Variants in ANOS1 observed in about 807,000 individuals in gnomAD.
The protein encoded by ANOS1 is anosmin 1, also known as anosmin-1.
A neutral mutation model predicts 59.0 loss-of-function variants in ANOS1; 6 were observed. The observed-to-expected ratio is 0.10, with a 90% CI of 0.06 to 0.20. ANOS1 has a LOEUF of 0.20. ANOS1 is among the 10% of genes least tolerant of loss of function. The probability of loss-of-function intolerance (pLI) is 1.00; values close to 1 mark genes in which losing one functional copy is unlikely to be tolerated. For missense variants in ANOS1, 433 were observed against 542.3 expected (o/e 0.80, Z 2.00); for synonymous variants, 217 against 223.4 (o/e 0.97, Z 0.25).
chrX:8,565,903 C>T lies in ANOS1; in HGVS notation c.1207+2329G>A, dbSNP rs193295902. The T allele has an allele frequency of 5.3e-4, 287 of 541,429 alleles. 5 individuals are homozygous for T. The Admixed American group carries it at 0.023, about 43-fold the overall frequency. The allele number at this position is 541,429 out of a possible 1,213,427, so 44.6% of individuals were successfully genotyped here. A position where few individuals can be genotyped will look rare whatever the true frequency, so the allele number is the denominator to read the frequency against. ...AGGACTCTGGAGTTCAAAGAGTGGT[C>T]AGGGTGGGAGGGCAGGGAGTCATTA... is the stretch of plus-strand genomic sequence containing the variant. On this transcript the variant is annotated intron_variant, in intron 8 of 13. Coordinates refer to ENST00000262648, the MANE Select transcript of ANOS1 (RefSeq NM_000216.4).
chrX:8,535,525 T>C (rs1339489818), intron 12 of ANOS1, 66 bp downstream of exon 12: 1 of 885,342 alleles, frequency 1.1e-6, no homozygotes, highest in Non-Finnish European at 1.7e-6. Flanking sequence ...TAGCCACCTC[T>C]GAAGGTCAGT....
intron 8 of ANOS1, among the ~76,000 whole-genome samples, chrX:8,559,398 C>T (rs764217656): frequency 2.1e-4 from 23 of 111,480 alleles, no homozygotes; most frequent in Non-Finnish European, 3.0e-4. Flanking sequence ...CAACGTAGGA[C>T]ACCACAAAAC....
At chrX:8,537,749 CGTGTGTGTGTGTGTGTGTGTGTGT>C (rs202035920) in intron 10 of ANOS1, among the ~76,000 whole-genome samples, 1 of 94,723 alleles carries the variant, frequency 1.1e-5, no homozygotes, top group Non-Finnish European at 2.1e-5. Context: ...ATGGTTTTTA[CGTGTGTGTGTGTGTGTGTGTGTGT>C]GTGTGTGTGT....
At chrX:8,621,114 C>G (rs899833783) in intron 3 of ANOS1, among the ~76,000 whole-genome samples, 1 of 111,500 alleles carries the variant, frequency 9.0e-6, no homozygotes, top group South Asian at 3.8e-4. Flanking sequence ...GCCTATAATA[C>G]CAGCAATTTG....
intron 2 of ANOS1, among the ~76,000 whole-genome samples, chrX:8,647,939 C>G (rs1475615439): frequency 8.9e-6 from 1 of 111,810 alleles, no homozygotes; most frequent in African/African-American, 3.2e-5. Context: ...TCAGAACTTC[C>G]CATCTCCACA....
intron 6 of ANOS1, among the ~76,000 whole-genome samples, chrX:8,584,757 A>G (rs903652916): frequency 2.4e-4 from 27 of 112,383 alleles, no homozygotes; most frequent in South Asian, 3.6e-4. Flanking sequence ...CTGATTACAC[A>G]GAGGTTTTAA....
In ANOS1 at chrX:8,585,173, T is replaced by C. The variant is rs1449841716; in HGVS notation, c.856+94A>G. On this transcript the variant is annotated intron_variant, in intron 6 of 13. Transcript: ENST00000262648. ...ACAGCAAAGCCACCTGTTGACTAACTATAAATATGAACATAGAGACAGTGA... is the reference window on the plus strand; with the variant it reads ...ACAGCAAAGCCACCTGTTGACTAACCATAAATATGAACATAGAGACAGTGA... 4.0e-6 allele frequency: 4 copies of C among 994,830 alleles called. No individual in the cohort carries two copies. The Admixed American group carries it at 9.9e-5, about 25-fold the overall frequency. 82.0% of individuals were successfully genotyped at this position (994,830 alleles called of 1,213,427 possible).
chrX:8,616,712 C>T (rs1931183335), intron 3 of ANOS1, among the ~76,000 whole-genome samples: 2 of 111,523 alleles, frequency 1.8e-5, no homozygotes, highest in Admixed American at 1.9e-4. Context: ...ACACCACTGA[C>T]TCAACTCTTT....
intron 1 of ANOS1, among the ~76,000 whole-genome samples, chrX:8,729,041 G>A (rs1932945254): frequency 8.9e-6 from 1 of 112,367 alleles, no homozygotes; most frequent in Admixed American, 9.4e-5. Context: ...AGCTTCCTCT[G>A]CAGGCCGACG....
At chrX:8,553,080 A>T (rs887516846) in intron 9 of ANOS1, among the ~76,000 whole-genome samples, 3 of 110,204 alleles carry the variant, frequency 2.7e-5, no homozygotes, top group African/African-American at 9.8e-5. Flanking sequence ...TAAAAACCTA[A>T]CTCTTGAAAC....
chrX:8,605,313 G>A (rs1228263713), intron 3 of ANOS1, among the ~76,000 whole-genome samples: 1 of 110,827 alleles, frequency 9.0e-6, no homozygotes, highest in Non-Finnish European at 1.9e-5. Flanking sequence ...TTCAATACAA[G>A]AGCATGAAGA....
At chrX:8,657,008 G>A (rs187897773) in intron 2 of ANOS1, among the ~76,000 whole-genome samples, 164 of 112,113 alleles carry the variant, frequency 1.5e-3, no homozygotes, top group African/African-American at 5.1e-3. Flanking sequence ...TAGTTAGGAG[G>A]CACCTGGTAG....
At chrX:8,633,772 C>A (rs1163450815) in intron 2 of ANOS1, among the ~76,000 whole-genome samples, 2 of 111,779 alleles carry the variant, frequency 1.8e-5, no homozygotes, top group African/African-American at 3.3e-5. Context: ...TTATAGAGAA[C>A]CTGAATCTAA....
intron 2 of ANOS1, among the ~76,000 whole-genome samples, chrX:8,649,717 C>T (rs748881199): frequency 5.2e-4 from 58 of 111,901 alleles, no homozygotes; most frequent in African/African-American, 1.6e-3. Flanking sequence ...ACAATGGTAA[C>T]AATCATCTCA....
At chrX:8,643,453 C>T (rs1404870999) in intron 2 of ANOS1, among the ~76,000 whole-genome samples, 2 of 111,570 alleles carry the variant, frequency 1.8e-5, no homozygotes, top group Non-Finnish European at 3.8e-5. Flanking sequence ...TCTAGGGAGT[C>T]ATGCCCTACA....
chrX:8,551,554 G>A (rs1162559919), intron 9 of ANOS1, among the ~76,000 whole-genome samples: 9 of 108,818 alleles, frequency 8.3e-5, no homozygotes, highest in South Asian at 4.1e-4. Flanking sequence ...TAGGAGAATC[G>A]CTTGAACCCA....
At chrX:8,655,983 C>A (rs1407595927) in intron 2 of ANOS1, among the ~76,000 whole-genome samples, 1 of 112,118 alleles carries the variant, frequency 8.9e-6, no homozygotes, top group Non-Finnish European at 1.9e-5. Context: ...GGAATTGTTT[C>A]TTTGATTCCA....
chrX:8,554,159 G>T, intron 8 of ANOS1, 61 bp from the exon 9 acceptor site: 1 of 964,693 alleles, frequency 1.0e-6, no homozygotes, highest in South Asian at 2.0e-5. Context: ...TCCTGGGCAA[G>T]ATGGCCAAAT....
Position 8,554,017 on chromosome X carries a change from T to C in ANOS1, c.1289A>G (p.Glu430Gly). 8.3e-7 allele frequency: 1 copy of C among 1,208,098 alleles called. No homozygotes were observed. Among genetic ancestry groups the C allele is most frequent in the Non-Finnish European group, 1.1e-6 (1 of 891,908 alleles). ...ATCCTGATAGAAGGGAGCTCCGACT[T>C]CCAGCGGGCGAGTGGGTCGTCGTCT... ...FQRRRPTRPL[E>G]VGAPFYQDGQ... The change falls in exon 9 of 14, where the codon GAA becomes GGA. Residue 430 changes from glutamate to glycine, a missense_variant. Coordinates refer to ENST00000262648, the MANE Select transcript of ANOS1 (RefSeq NM_000216.4).
Sources: gnomAD v4.1 joint callset for allele counts (sites outside exome capture counted in the v4.1 genomes callset) on GRCh38, gnomAD v4.1.1 for gene constraint, MANE v1.5 for transcripts, NCBI Gene and HGNC (gene_info 2026-07-23, HGNC 2026-07-21) for gene names.